AGBL1: variants seen among roughly 807,000 people sequenced by gnomAD.
AGBL1 encodes the protein cytosolic carboxypeptidase 4.
AGBL1 carries 130 observed loss-of-function variants against 118.9 expected under a neutral mutation model. That is an observed-to-expected ratio of 1.09 (90% CI 0.95 to 1.26). AGBL1 has a LOEUF of 1.26. Ranked by LOEUF, AGBL1 falls within the 50% of genes most tolerant of loss-of-function variation. The pLI is 0.00. For synonymous variants in AGBL1, 555 were observed against 478.9 expected (o/e 1.16, Z -2.08); for missense variants, 1,584 against 1,298.1 (o/e 1.22, Z -3.38).
intron 21 of AGBL1, among the ~76,000 whole-genome samples, chr15:86,592,086 C>G (rs141487222): frequency 4.9e-4 from 75 of 152,262 alleles, no homozygotes; most frequent in Non-Finnish European, 8.7e-4. Context: ...TAGTGTTGGT[C>G]ATCCCAATAT....
chr15:86,257,932 T>A (rs1406878409), intron 8 of AGBL1, 32 bp from the exon 9 acceptor site: 2 of 1,605,944 alleles, frequency 1.2e-6, no homozygotes. Context: ...AAGGGGAAAC[T>A]TCACTTATTT....
chr15:86,839,749 AGGT>A (rs1271938561), intron 22 of AGBL1, among the ~76,000 whole-genome samples: 1 of 152,198 alleles, frequency 6.6e-6, no homozygotes, highest in Admixed American at 6.5e-5. Flanking sequence ...TAGGATAGAT[AGGT>A]GAAAAGAAGA....
In AGBL1 at chr15:86,523,541, A is replaced by AGCGTAGTAG. The variant is rs113709655; in HGVS notation, c.2685+603_2685+611dup. On this transcript the variant is annotated intron_variant, in intron 19 of 22. Transcript: ENST00000614907. ...GACCCCACAACAAAGGCAAACCCCC[A>AGCGTAGTAG]GCGTAGTAGTCATTGGTAAAAACTG... Among the ~76,000 whole-genome samples the AGCGTAGTAG allele has an allele frequency of 9.3e-3, 1,423 of 152,260 alleles. 21 individuals carry two copies. The highest frequency in any genetic ancestry group is 0.031 in the African/African-American group (1,267 of 41,530).
chr15:86,864,841 A>T (rs542533540), intron 22 of AGBL1, among the ~76,000 whole-genome samples: 1 of 152,326 alleles, frequency 6.6e-6, no homozygotes, highest in East Asian at 1.9e-4. Flanking sequence ...TGTGCTATGG[A>T]TGTCTATGAA....
At chr15:86,671,472 G>A (rs970791134) in intron 21 of AGBL1, among the ~76,000 whole-genome samples, 21 of 152,180 alleles carry the variant, frequency 1.4e-4, no homozygotes, top group African/African-American at 4.6e-4. Flanking sequence ...TGGGTGAGAA[G>A]GGAATTGGAT....
At chr15:86,840,645 A>G (rs1006965562) in intron 22 of AGBL1, among the ~76,000 whole-genome samples, 3 of 152,006 alleles carry the variant, frequency 2.0e-5, no homozygotes, top group African/African-American at 7.2e-5. Flanking sequence ...GGGTTTCACC[A>G]TGTTAGCCAG....
chr15:86,867,643 C>T (rs1019832695), intron 22 of AGBL1, among the ~76,000 whole-genome samples: 3 of 152,070 alleles, frequency 2.0e-5, no homozygotes, highest in African/African-American at 4.8e-5. Context: ...TGGCAAAATG[C>T]ACCCGGACTA....
At chr15:86,977,585 A>T (rs11633671) in intron 23 of AGBL1, among the ~76,000 whole-genome samples, 3,573 of 152,012 alleles carry the variant, frequency 0.024, 67 homozygotes, top group Non-Finnish European at 0.036. Context: ...CCTAAGCATT[A>T]CATTTCTGTT....
intron 5 of AGBL1, among the ~76,000 whole-genome samples, chr15:86,214,332 C>T (rs2078150197): frequency 6.6e-6 from 1 of 152,106 alleles, no homozygotes; most frequent in Non-Finnish European, 1.5e-5. Context: ...TATAAGAGTT[C>T]AACTAAGTGT....
At chr15:86,874,344 G>A (rs528533415) in intron 22 of AGBL1, among the ~76,000 whole-genome samples, 2 of 151,076 alleles carry the variant, frequency 1.3e-5, no homozygotes. Flanking sequence ...TGTGCAAAAT[G>A]TAGTAAAAGG....
chr15:86,524,380 T>C (rs1460741596), intron 19 of AGBL1, among the ~76,000 whole-genome samples: 1 of 152,120 alleles, frequency 6.6e-6, no homozygotes, highest in African/African-American at 2.4e-5. Context: ...CAGATTAAAA[T>C]CAGAAAAGGT....
rs529825501 is a variant in AGBL1, at chr15:86,871,348, G to A, written c.3159-35739G>A. The stretch of plus-strand genomic sequence containing the variant: ...GTCAACCTGACAACTGTTTCAATAG[G>A]AAGCCCAGATACCTTCACAAAACAA... On this transcript the variant is annotated intron_variant, in intron 22 of 22. Transcript: ENST00000614907. 4.6e-5 allele frequency among the ~76,000 whole-genome samples: 7 copies of A among 152,228 alleles called. No homozygotes were observed. In the East Asian group the frequency reaches 1.4e-3, roughly 29 times the overall value.
At chr15:86,511,688 G>T (rs2142179152) in intron 18 of AGBL1, among the ~76,000 whole-genome samples, 1 of 152,026 alleles carries the variant, frequency 6.6e-6, no homozygotes, top group African/African-American at 2.4e-5. Flanking sequence ...AAAAGGCATG[G>T]TACAAAATAA....
At chr15:86,166,354 G>A (rs1440266730) in intron 5 of AGBL1, among the ~76,000 whole-genome samples, 1 of 152,140 alleles carries the variant, frequency 6.6e-6, no homozygotes, top group Admixed American at 6.5e-5. Flanking sequence ...TCCAGTCTTG[G>A]GCTTGTGAAA....
chr15:86,295,114 A>T, intron 16 of AGBL1, 141 bp from the exon 17 acceptor site: 1 of 945,258 alleles, frequency 1.1e-6, no homozygotes, highest in Non-Finnish European at 1.6e-6. Context: ...GCCCCCTTTT[A>T]ATCACTCAAG....
chr15:86,785,146 G>A (rs2078388827), intron 22 of AGBL1, among the ~76,000 whole-genome samples: 3 of 152,014 alleles, frequency 2.0e-5, no homozygotes, highest in African/African-American at 7.2e-5. Flanking sequence ...AGCTAAGGAG[G>A]AATAGGAGAA....
rs1169500230 is a variant in AGBL1 at position 86,224,958 on chromosome 15, A to G, written c.526+7A>G. 1 of 1,612,030 alleles carries G rather than the reference A, an allele frequency of 6.2e-7. No individual in the cohort carries two copies. The highest frequency in any genetic ancestry group is 1.1e-5 in the South Asian group (1 of 90,986). Reference sequence around the variant, plus strand: ...GCAGCATTGCTGAAATCCAGTAAGCACCTCTTTTGAAGGGTGGCTATTTCT... The same window carrying G: ...GCAGCATTGCTGAAATCCAGTAAGCGCCTCTTTTGAAGGGTGGCTATTTCT... On this transcript the variant is annotated splice_region_variant and intron_variant, in intron 6 of 22. Transcript: ENST00000614907.
At position 86,604,590 on chromosome 15, in the gene AGBL1, A is replaced by C. The variant is rs374800389; in HGVS notation, c.2994+50053A>C. ...CTTCTTTTCCTGTGCTATATTTTCT[A>C]TGTGCCTTACCTTTTAATAATACCT... is the stretch of plus-strand genomic sequence containing the variant. On this transcript the variant is annotated intron_variant, in intron 21 of 22. Transcript: ENST00000614907. Among the ~76,000 whole-genome samples, 11 of 152,236 alleles carry C rather than the reference A, an allele frequency of 7.2e-5. No homozygotes were observed. The East Asian group carries it at 9.7e-4, about 13-fold the overall frequency.
At chr15:86,501,673 T>C (rs922094267) in intron 18 of AGBL1, among the ~76,000 whole-genome samples, 8 of 151,608 alleles carry the variant, frequency 5.3e-5, no homozygotes, top group African/African-American at 1.9e-4. Flanking sequence ...ATGGATATTC[T>C]GTTCTCCTAG....
Sources: gnomAD v4.1 joint callset for allele counts (sites outside exome capture counted in the v4.1 genomes callset) on GRCh38, gnomAD v4.1.1 for gene constraint, MANE v1.5 for transcripts, NCBI Gene and HGNC (gene_info 2026-07-23, HGNC 2026-07-21) for gene names.